DNAH9: variants seen among roughly 807,000 people sequenced by gnomAD.
DNAH9 encodes the protein DNAH9 variant protein.
In DNAH9, 345 loss-of-function variants were observed where a neutral mutation model predicts 471.6. That is an observed-to-expected ratio of 0.73 (90% CI 0.67 to 0.80). DNAH9 has a LOEUF of 0.80. DNAH9 is among the 30% of genes least tolerant of loss of function. The pLI, the probability that DNAH9 is intolerant of heterozygous loss-of-function variation, is 0.00. For missense variants in DNAH9, 5,407 were observed against 5,609.2 expected, an observed-to-expected ratio of 0.96 and a Z score of 1.15; for synonymous variants, 2,093 against 2,123.6, an observed-to-expected ratio of 0.99 and a Z score of 0.40.
In DNAH9 at chr17:11,796,865, T is replaced by TA. The variant is rs1177239089; in HGVS notation, c.8224-731dup. On this transcript the variant is annotated intron_variant, in intron 42 of 68. Transcript: ENST00000262442. ...AAAAATTGGTCTTCTCTTCAGTACT[T>TA]AGAGATATATTGGTGAAGAGACGCA... 5.9e-5 allele frequency among the ~76,000 whole-genome samples: 9 copies of TA among 152,290 alleles called. No individual in the cohort carries two copies. The East Asian group carries it at 1.5e-3, about 26-fold the overall frequency.
chr17:11,795,731 G>A (rs978115590), intron 42 of DNAH9, among the ~76,000 whole-genome samples: 3 of 152,094 alleles, frequency 2.0e-5, no homozygotes, highest in Admixed American at 6.6e-5. Context: ...TTTACAAGTC[G>A]GTCTGAGCTA....
At chr17:11,741,263 GT>G in intron 29 of DNAH9, among the ~76,000 whole-genome samples, 1 of 152,084 alleles carries the variant, frequency 6.6e-6, no homozygotes, top group Non-Finnish European at 1.5e-5. Context: ...AAAAATGTAA[GT>G]AATTTTAAAA....
intron 29 of DNAH9, among the ~76,000 whole-genome samples, chr17:11,741,160 T>A (rs1159194118): frequency 6.6e-6 from 1 of 152,194 alleles, no homozygotes; most frequent in East Asian, 1.9e-4. Flanking sequence ...AGAAAAAATG[T>A]GCTCGAATGA....
At chr17:11,854,511 T>A in intron 50 of DNAH9, 83 bp downstream of exon 50, 1 of 1,435,590 alleles carries the variant, frequency 7.0e-7, no homozygotes, top group Non-Finnish European at 9.3e-7. Context: ...ACACCTAACG[T>A]TACGGTTTTT....
intron 28 of DNAH9, among the ~76,000 whole-genome samples, chr17:11,731,904 G>A (rs1274705237): frequency 6.6e-6 from 1 of 151,938 alleles, no homozygotes; most frequent in Non-Finnish European, 1.5e-5. Context: ...TAATCCTTTG[G>A]GTATATACCC....
chr17:11,633,131 A>G (rs983402409), intron 8 of DNAH9, among the ~76,000 whole-genome samples: 1 of 152,162 alleles, frequency 6.6e-6, no homozygotes, highest in Non-Finnish European at 1.5e-5. Flanking sequence ...TTATCATATC[A>G]CGCTCAGATC....
intron 48 of DNAH9, among the ~76,000 whole-genome samples, chr17:11,834,415 T>C (rs949977093): frequency 3.3e-5 from 5 of 150,630 alleles, no homozygotes; most frequent in African/African-American, 9.8e-5. Flanking sequence ...GCACATTTAC[T>C]ATGGTGGAGA....
intron 17 of DNAH9, among the ~76,000 whole-genome samples, chr17:11,676,733 T>C (rs573440400): frequency 3.3e-5 from 5 of 152,188 alleles, no homozygotes; most frequent in Admixed American, 6.5e-5. Flanking sequence ...ACTTTGGATT[T>C]ATTTTCTGTT....
chr17:11,612,072 C>T (rs920826273), intron 4 of DNAH9: 8 of 588,528 alleles, frequency 1.4e-5, no homozygotes, highest in Admixed American at 3.0e-5. Context: ...TTTCTAGGTC[C>T]GTGTGAGATT....
chr17:11,755,020 G>A (rs1432136281), intron 33 of DNAH9, among the ~76,000 whole-genome samples: 1 of 152,124 alleles, frequency 6.6e-6, no homozygotes, highest in East Asian at 1.9e-4. Context: ...GTAAAGAAGG[G>A]CGCCAGTTTC....
At position 11,797,635 on chromosome 17, in the gene DNAH9, C is replaced by T. The variant is rs1969289901; in HGVS notation, c.8262C>T (p.Asn2754=). Residue 2754 remains asparagine, a synonymous_variant, in exon 43 of 69, where the codon AAC becomes AAT. Coordinates refer to ENST00000262442, the MANE Select transcript of DNAH9 (RefSeq NM_001372.4). ...CTGTGGAGCAGACCCAAAGCCCGAA[C>T]CTGTATTGTCACTTTGCAAATGGTA... is the stretch of plus-strand genomic sequence containing the variant. ...EDPVEQTQSP[N]LYCHFANGIG... 14 of 1,614,068 alleles carry T rather than the reference C, an allele frequency of 8.7e-6. No individual in the cohort carries two copies. The highest frequency in any genetic ancestry group is 1.2e-5 in the Non-Finnish European group (14 of 1,180,002).
chr17:11,837,741 A>G lies in DNAH9; in HGVS notation c.9507+2843A>G, dbSNP rs187176763. Among the ~76,000 whole-genome samples the G allele has an allele frequency of 3.5e-4, 53 of 152,346 alleles. No individual in the cohort carries two copies. The East Asian group carries it at 9.6e-3, about 28-fold the overall frequency. ...CAGAATAAAACCCGAAGATGTCACC[A>G]TGGCCTAAAAGGCACTCCATTATTT... On this transcript the variant is annotated intron_variant, in intron 49 of 68. Coordinates refer to ENST00000262442, the MANE Select transcript of DNAH9 (RefSeq NM_001372.4).
chr17:11,912,436 A>G (rs1018192131), intron 61 of DNAH9, among the ~76,000 whole-genome samples: 38 of 152,188 alleles, frequency 2.5e-4, no homozygotes, highest in African/African-American at 8.9e-4. Flanking sequence ...TGATGTCAGC[A>G]GTGGATTTTT....
intron 51 of DNAH9, among the ~76,000 whole-genome samples, chr17:11,871,038 G>A (rs1219525171): frequency 6.6e-6 from 1 of 152,132 alleles, no homozygotes; most frequent in Non-Finnish European, 1.5e-5. Flanking sequence ...TAGAAAGAAT[G>A]GCTCTCCTCC....
At chr17:11,746,166 A>T (rs2075521202) in intron 31 of DNAH9, among the ~76,000 whole-genome samples, 1 of 152,220 alleles carries the variant, frequency 6.6e-6, no homozygotes, top group Non-Finnish European at 1.5e-5. Context: ...GTACTAGTGT[A>T]TTAATACCTG....
chr17:11,823,225 G>T (rs1293252179), intron 48 of DNAH9, among the ~76,000 whole-genome samples, 191 bp downstream of exon 48: 1 of 152,062 alleles, frequency 6.6e-6, no homozygotes, highest in Non-Finnish European at 1.5e-5. Context: ...TCTCTACATT[G>T]TAGGAGAGCT....
At chr17:11,618,846 G>T (rs563415391) in intron 5 of DNAH9, among the ~76,000 whole-genome samples, 388 of 152,234 alleles carry the variant, frequency 2.5e-3, no homozygotes, top group Admixed American at 4.9e-3. Flanking sequence ...GTTCAAGGAG[G>T]TTAACTGACT....
chr17:11,711,876 GTA>G lies in DNAH9; in HGVS notation c.5552+6699_5552+6700del, dbSNP rs1380247194. ...GATTTTGTTTTTATTATATATATTT[GTA>G]TATATATTTATATATAAATATATAT... On this transcript the variant is annotated intron_variant, in intron 26 of 68. Transcript: ENST00000262442. 1.9e-3 allele frequency among the ~76,000 whole-genome samples: 74 copies of G among 39,362 alleles called. 2 individuals are homozygous for G. Among genetic ancestry groups the G allele is most frequent in the African/African-American group, 3.9e-3 (72 of 18,494 alleles). The allele number at this position is 39,362 out of a possible 152,430, so 25.8% of individuals were successfully genotyped here. A position where few individuals can be genotyped will look rare whatever the true frequency, so the allele number is the denominator to read the frequency against.
chr17:11,739,027 T>A lies in DNAH9; in HGVS notation c.5962T>A (p.Ser1988Thr). Reference sequence around the variant, plus strand: ...CACAGAGCTGCCAGAGAATCTCAAGTCTCTCTTCAGGTGAGTGTCAGTTCT... The same window carrying A: ...CACAGAGCTGCCAGAGAATCTCAAGACTCTCTTCAGGTGAGTGTCAGTTCT... ...GRTELPENLK[S>T]LFRPCAMVVP... is the part of the protein sequence containing the mutation. Residue 1988 changes from serine to threonine, a missense_variant, in exon 29 of 69, where the codon TCT becomes ACT. By Grantham distance (58) the Ser-to-Thr change is moderately conservative. This residue lies in a region of DNAH9 where 4,636 missense variants were observed against 4,900.3 expected (regional missense o/e 0.95). Coordinates refer to ENST00000262442, the MANE Select transcript of DNAH9 (RefSeq NM_001372.4). 1 of 1,613,760 alleles carries A rather than the reference T, an allele frequency of 6.2e-7. No individual in the cohort carries two copies.
Sources: gnomAD v4.1 joint callset for allele counts (sites outside exome capture counted in the v4.1 genomes callset) on GRCh38, gnomAD v4.1.1 for gene constraint, gnomAD v4.1.1 regional missense constraint, MANE v1.5 for transcripts, NCBI Gene and HGNC (gene_info 2026-07-23, HGNC 2026-07-21) for gene names.